EIF3J: variants seen among roughly 807,000 people sequenced by gnomAD.
EIF3J encodes the protein eukaryotic translation initiation factor 3 subunit J.
EIF3J carries 15 observed loss-of-function variants against 39.0 expected under a neutral mutation model. That is an observed-to-expected ratio of 0.38 (90% CI 0.26 to 0.59). The LOEUF is 0.59. Ranked by LOEUF, EIF3J falls within the 20% of genes least tolerant of loss-of-function variation. The pLI is 0.60. For missense variants in EIF3J, 226 were observed against 308.6 expected, an observed-to-expected ratio of 0.73 and a Z score of 2.00; for synonymous variants, 98 against 112.9, an observed-to-expected ratio of 0.87 and a Z score of 0.84.
chr15:44,546,816 CTTTTTTTTTT>C (rs1160471321), intron 2 of EIF3J, among the ~76,000 whole-genome samples: 3 of 78,870 alleles, frequency 3.8e-5, no homozygotes, highest in African/African-American at 1.0e-4. Context: ...GAGTATAGAT[CTTTTTTTTTT>C]TTTTTTTTTT....
intron 4 of EIF3J, among the ~76,000 whole-genome samples, 163 bp from the exon 5 acceptor site, chr15:44,554,390 A>G (rs561715776): frequency 2.5e-3 from 385 of 151,772 alleles, no homozygotes; most frequent in Non-Finnish European, 4.6e-3. Context: ...AAAAAAAAAA[A>G]AAAAAAAAAA....
intron 6 of EIF3J, chr15:44,558,988 T>C (rs1474170785): frequency 6.6e-6 from 1 of 152,194 alleles, no homozygotes; most frequent in Non-Finnish European, 1.5e-5. Flanking sequence ...GATAATGCTG[T>C]CCACTGAACA....
chr15:44,553,821 T>G (rs138339780), intron 4 of EIF3J, among the ~76,000 whole-genome samples: 1 of 152,240 alleles, frequency 6.6e-6, no homozygotes, highest in African/African-American at 2.4e-5. Flanking sequence ...GATTAAAGCA[T>G]GTAAAAATAT....
chr15:44,560,846 ACTGACT>A (rs1415123343), intron 7 of EIF3J, among the ~76,000 whole-genome samples, 166 bp from the exon 8 acceptor site: 6 of 152,146 alleles, frequency 3.9e-5, no homozygotes, highest in African/African-American at 1.4e-4. Context: ...TTTTGGAGAG[ACTGACT>A]CTGGGAGACC....
intron 2 of EIF3J, among the ~76,000 whole-genome samples, chr15:44,541,451 G>C (rs1194834611): frequency 6.6e-6 from 1 of 152,202 alleles, no homozygotes; most frequent in African/African-American, 2.4e-5. Flanking sequence ...GCTGAGGCAA[G>C]AGGATTGCGT....
rs2082130408 is a variant in EIF3J at position 44,554,684 on chromosome 15, A to G, written c.409+17A>G. The stretch of plus-strand genomic sequence containing the variant: ...AAACTTTTGGTAAGACGGGATTATG[A>G]TTGCAATACAGTATTAAACTGTTAC... On this transcript the variant is annotated intron_variant, in intron 5 of 7. Coordinates refer to ENST00000261868, the MANE Select transcript of EIF3J (RefSeq NM_003758.4). The G allele has an allele frequency of 6.5e-7, 1 of 1,538,848 alleles. No individual in the cohort carries two copies. Among genetic ancestry groups the G allele is most frequent in the African/African-American group, 1.4e-5 (1 of 73,230 alleles).
rs1595810837 is a variant in EIF3J at position 44,561,980 on chromosome 15, A to G, written c.*831A>G. 6.6e-6 allele frequency: 1 copy of G among 152,652 alleles called. No individual in the cohort carries two copies. The highest frequency in any genetic ancestry group is 1.9e-4 in the East Asian group (1 of 5,204). The allele number at this position is 152,652 out of a possible 1,614,324, so 9.5% of individuals were successfully genotyped here. ...TTTCCTTTATAAAACATGCTCAGCA[A>G]ACTGCACCAGTTAACTACAGTTTGG... On this transcript the variant is annotated 3_prime_UTR_variant, in exon 8 of 8. Coordinates refer to ENST00000261868, the MANE Select transcript of EIF3J (RefSeq NM_003758.4).
chr15:44,554,144 AGATG>A (rs2082124423), intron 4 of EIF3J, among the ~76,000 whole-genome samples: 1 of 152,158 alleles, frequency 6.6e-6, no homozygotes. Context: ...TGGGAGGCTG[AGATG>A]GGCGGATCAC....
Position 44,562,738 on chromosome 15 carries a change from C to A in EIF3J, c.*1589C>A. On this transcript the variant is annotated 3_prime_UTR_variant, in exon 8 of 8. Coordinates refer to ENST00000261868, the MANE Select transcript of EIF3J (RefSeq NM_003758.4). ...TTATTACAGAAAGATCAGTTTCTAACAAATGAAAATGTATCACCTGTTCCT... is the reference window on the plus strand; with the variant it reads ...TTATTACAGAAAGATCAGTTTCTAAAAAATGAAAATGTATCACCTGTTCCT... 1 of 177,026 alleles carries A rather than the reference C, an allele frequency of 5.6e-6. No individual in the cohort carries two copies. Among genetic ancestry groups the A allele is most frequent in the East Asian group, 1.5e-4 (1 of 6,624 alleles). The allele number at this position is 177,026 out of a possible 1,614,324, so 11.0% of individuals were successfully genotyped here. A position where few individuals can be genotyped will look rare whatever the true frequency, so the allele number is the denominator to read the frequency against.
chr15:44,542,283 G>A (rs2082019920), intron 2 of EIF3J, among the ~76,000 whole-genome samples: 2 of 152,088 alleles, frequency 1.3e-5, no homozygotes. Flanking sequence ...TCGTTGCACA[G>A]TTCTGAGTTC....
At chr15:44,555,185 G>C (rs1232974546) in intron 5 of EIF3J, among the ~76,000 whole-genome samples, 1 of 152,176 alleles carries the variant, frequency 6.6e-6, no homozygotes, top group African/African-American at 2.4e-5. Context: ...GCTGTGGTTA[G>C]TGCGTGAGAT....
chr15:44,558,270 C>G (rs2082161188), intron 6 of EIF3J, among the ~76,000 whole-genome samples: 1 of 152,134 alleles, frequency 6.6e-6, no homozygotes, highest in African/African-American at 2.4e-5. Context: ...ATTGCAGAGG[C>G]ACGATCTCAG....
chr15:44,551,540 A>G lies in EIF3J; in HGVS notation c.294+18A>G. The G allele has an allele frequency of 6.5e-7, 1 of 1,546,248 alleles. No individual in the cohort carries two copies. The highest frequency in any genetic ancestry group is 8.8e-7 in the Non-Finnish European group (1 of 1,139,860). On this transcript the variant is annotated intron_variant, in intron 4 of 7. Coordinates refer to ENST00000261868, the MANE Select transcript of EIF3J (RefSeq NM_003758.4). ...AAAAGAGGGTAAATTCTGTTTTCTA[A>G]AATACAGAATTCTCACATCGGTAGT...
In EIF3J at chr15:44,537,326, G is replaced by C; in HGVS notation, c.46G>C (p.Ala16Pro). ...AAAGDSDSWD[A>P]DAFSVEDPVR... ...ACACGGCTCGCTTTCTTCCGTAGACGCCGACGCTTTCTCCGTGGAAGACCC... is the reference window on the plus strand; with the variant it reads ...ACACGGCTCGCTTTCTTCCGTAGACCCCGACGCTTTCTCCGTGGAAGACCC... Residue 16 changes from alanine to proline, a missense_variant and splice_region_variant, in exon 2 of 8, where the codon GCC (alanine) becomes CCC (proline). Ala to Pro is a conservative substitution (Grantham distance 27). Coordinates refer to ENST00000261868, the MANE Select transcript of EIF3J (RefSeq NM_003758.4). The C allele has an allele frequency of 6.4e-7, 1 of 1,562,530 alleles. No individual in the cohort carries two copies. Among genetic ancestry groups the C allele is most frequent in the Non-Finnish European group, 8.7e-7 (1 of 1,153,804 alleles).
intron 6 of EIF3J, among the ~76,000 whole-genome samples, chr15:44,559,622 G>A (rs2140903765): frequency 6.6e-6 from 1 of 151,916 alleles, no homozygotes; most frequent in East Asian, 1.9e-4. Context: ...CAGGAAAATG[G>A]TGTGAACCCG....
chr15:44,540,265 ATATT>A (rs1340603097), intron 2 of EIF3J, among the ~76,000 whole-genome samples: 4,434 of 64,568 alleles, frequency 0.069, 33 homozygotes, highest in Middle Eastern at 0.14. Flanking sequence ...ATATATATAT[ATATT>A]TTTTTTTTTT....
chr15:44,546,641 T>G (rs754355491), intron 2 of EIF3J, among the ~76,000 whole-genome samples: 1 of 152,074 alleles, frequency 6.6e-6, no homozygotes, highest in Non-Finnish European at 1.5e-5. Flanking sequence ...TGGTGGCTGC[T>G]GAGACAATGG....
intron 2 of EIF3J, among the ~76,000 whole-genome samples, chr15:44,538,932 A>T (rs2081984504): frequency 6.6e-6 from 1 of 152,234 alleles, no homozygotes; most frequent in Non-Finnish European, 1.5e-5. Flanking sequence ...AGTTGCAGAA[A>T]ATGAAGTTTT....
chr15:44,544,172 CA>C (rs1035045729), intron 2 of EIF3J, among the ~76,000 whole-genome samples: 3 of 148,012 alleles, frequency 2.0e-5, no homozygotes, highest in African/African-American at 7.5e-5. Context: ...CGGCTCACTG[CA>C]ACCTCTGCCT....
Sources: allele counts gnomAD v4.1 joint callset (sites outside exome capture counted in the v4.1 genomes callset), GRCh38; gene constraint gnomAD v4.1.1; transcripts MANE v1.5; gene names NCBI Gene and HGNC (gene_info 2026-07-23, HGNC 2026-07-21).